Variants in GBP5 observed in about 807,000 individuals in gnomAD.
GBP5 encodes the protein guanylate binding protein 5.
In GBP5, 48 loss-of-function variants were observed where a neutral mutation model predicts 58.2. The observed-to-expected ratio is 0.83, with a 90% CI of 0.65 to 1.05. The LOEUF (loss-of-function observed/expected upper bound fraction) is 1.05. Ranked by LOEUF, GBP5 falls within the 50% of genes least tolerant of loss-of-function variation. The pLI is 0.00. For synonymous variants in GBP5, 248 were observed against 251.8 expected (o/e 0.98, Z 0.14); for missense variants, 714 against 686.8 (o/e 1.04, Z -0.44).
At chr1:89,270,017 G>A (rs1349402405) in intron 2 of GBP5, 1 of 152,156 alleles carries the variant, frequency 6.6e-6, no homozygotes, top group Non-Finnish European at 1.5e-5. Flanking sequence ...TTAGATCTAT[G>A]TCCAGTCAAA....
chr1:89,270,337 C>T (rs1443930504), intron 2 of GBP5: 2 of 152,132 alleles, frequency 1.3e-5, no homozygotes, highest in South Asian at 4.1e-4. Flanking sequence ...TCTACTTTGC[C>T]TTATCATAAA....
chr1:89,256,654 T>C lies in GBP5; in HGVS notation c.*4050A>G, dbSNP rs140592296. Among the ~76,000 whole-genome samples the C allele has an allele frequency of 7.9e-5, 12 of 152,340 alleles. No individual in the cohort carries two copies. Among genetic ancestry groups the C allele is most frequent in the African/African-American group, 2.6e-4 (11 of 41,580 alleles). ...GATTTCAAGAGTTTTGAGTCACATT[T>C]AGAAAGGCCCTCTCCTCTACAGGTT... On this transcript the variant is annotated 3_prime_UTR_variant, in exon 12 of 12. Coordinates refer to ENST00000370459, the MANE Select transcript of GBP5 (RefSeq NM_052942.5).
In GBP5 at chr1:89,263,881, G is replaced by A. The variant is rs186974399; in HGVS notation, c.1217C>T (p.Ser406Leu). Residue 406 changes from serine to leucine, a missense_variant, in exon 9 of 12, where the codon TCG becomes TTG. By Grantham distance (145) the Ser-to-Leu change is moderately radical (BLOSUM62 -2). Transcript: ENST00000370459. ...RNLEASSDYCSALLKDIFGPL... is the reference protein window; with the variant it reads ...RNLEASSDYCLALLKDIFGPL... ...ACCAAAAATATCCTTAAGTAAAGCC[G>A]AGCAATAATCCGAGGATGCTTCCAG... is the stretch of plus-strand genomic sequence containing the variant. 7.1e-5 allele frequency: 114 copies of A among 1,612,426 alleles called. 1 individual carries two copies. The highest frequency in any genetic ancestry group is 2.7e-5 in the African/African-American group (2 of 74,530).
At position 89,267,705 on chromosome 1, in the gene GBP5, C is replaced by T. The variant is rs547036833; in HGVS notation, c.319-179G>A. Reference sequence around the variant, plus strand: ...TTTATACTCATCCATATCTTATTAACTCACCAGTCCCTCTACATATTTGCA... The same window carrying T: ...TTTATACTCATCCATATCTTATTAATTCACCAGTCCCTCTACATATTTGCA... On this transcript the variant is annotated intron_variant, in intron 4 of 11. Coordinates refer to ENST00000370459, the MANE Select transcript of GBP5 (RefSeq NM_052942.5). Among the ~76,000 whole-genome samples the T allele has an allele frequency of 6.6e-5, 10 of 152,328 alleles. No individual in the cohort carries two copies. In the South Asian group the frequency reaches 2.1e-3, roughly 32 times the overall value.
rs1557500449 is a variant in GBP5 at position 89,262,419 on chromosome 1, A to C, written c.1466-18T>G. On this transcript the variant is annotated intron_variant, in intron 10 of 11. Coordinates refer to ENST00000370459, the MANE Select transcript of GBP5 (RefSeq NM_052942.5). ...TTGTGCCTCTGAGGAGAAAAAGATA[A>C]TCTTCTCTAGGATTAATGTGCCTCT... 1 of 1,605,822 alleles carries C rather than the reference A, an allele frequency of 6.2e-7. No individual in the cohort carries two copies. The highest frequency in any genetic ancestry group is 1.7e-5 in the Admixed American group (1 of 59,824).
Position 89,258,625 on chromosome 1 carries a change from T to G in GBP5, c.*2079A>C, listed in dbSNP as rs1226962741. Among the ~76,000 whole-genome samples, 9 of 152,118 alleles carry G rather than the reference T, an allele frequency of 5.9e-5. No individual in the cohort carries two copies. The highest frequency in any genetic ancestry group is 1.0e-4 in the Non-Finnish European group (7 of 68,012). On this transcript the variant is annotated 3_prime_UTR_variant, in exon 12 of 12. Coordinates refer to ENST00000370459, the MANE Select transcript of GBP5 (RefSeq NM_052942.5). ...CAGTAAAAAGAGCAGACACTAAAAT[T>G]TTTCGGCTTTTTTCTGTATATAAGT...
Position 89,258,797 on chromosome 1 carries a change from A to G in GBP5, c.*1907T>C, listed in dbSNP as rs933351865. On this transcript the variant is annotated 3_prime_UTR_variant, in exon 12 of 12. Coordinates refer to ENST00000370459, the MANE Select transcript of GBP5 (RefSeq NM_052942.5). Reference sequence around the variant, plus strand: ...ATTTAAACAAAAAAAATTTTACTGGAGATATACAAAACAAAGTAACAAAAA... The same window carrying G: ...ATTTAAACAAAAAAAATTTTACTGGGGATATACAAAACAAAGTAACAAAAA... 9.2e-5 allele frequency among the ~76,000 whole-genome samples: 14 copies of G among 152,174 alleles called. No homozygotes were observed. Among genetic ancestry groups the G allele is most frequent in the African/African-American group, 3.1e-4 (13 of 41,458 alleles).
chr1:89,267,342 G>T, intron 5 of GBP5, 75 bp downstream of exon 5: 6 of 1,144,140 alleles, frequency 5.2e-6, no homozygotes, highest in Non-Finnish European at 7.9e-6. Flanking sequence ...GATTCACAAG[G>T]TCTCACAGAC....
In GBP5 at chr1:89,258,360, A is replaced by G. The variant is rs1649860700; in HGVS notation, c.*2344T>C. On this transcript the variant is annotated 3_prime_UTR_variant, in exon 12 of 12. Transcript: ENST00000370459. Reference sequence around the variant, plus strand: ...TTTAAGATGGGTAATAAAGATATCAATATTTAATTTGGAGATAGAGCTATT... The same window carrying G: ...TTTAAGATGGGTAATAAAGATATCAGTATTTAATTTGGAGATAGAGCTATT... Among the ~76,000 whole-genome samples, 1 of 152,228 alleles carries G rather than the reference A, an allele frequency of 6.6e-6. No homozygotes were observed.
In GBP5 at chr1:89,265,672, G is replaced by A. The variant is rs551220231; in HGVS notation, c.868+674C>T. ...GAACCCAGGAGGCGGAGCTTGCAGTGAGCCAAGATCGTGCCACTGCACTCC... is the reference window on the plus strand; with the variant it reads ...GAACCCAGGAGGCGGAGCTTGCAGTAAGCCAAGATCGTGCCACTGCACTCC... On this transcript the variant is annotated intron_variant, in intron 7 of 11. Coordinates refer to ENST00000370459, the MANE Select transcript of GBP5 (RefSeq NM_052942.5). 2.2e-3 allele frequency among the ~76,000 whole-genome samples: 325 copies of A among 145,762 alleles called. 1 individual carries two copies. The highest frequency in any genetic ancestry group is 8.1e-3 in the African/African-American group (313 of 38,632).
chr1:89,262,832 G>C (rs768565499), intron 9 of GBP5, 47 bp from the exon 10 acceptor site: 1 of 1,107,858 alleles, frequency 9.0e-7, no homozygotes, highest in Non-Finnish European at 1.3e-6. Flanking sequence ...ATGGTGATTA[G>C]GAATGTTGTA....
Position 89,260,472 on chromosome 1 carries a change from C to T in GBP5, c.*232G>A, listed in dbSNP as rs1235219813. On this transcript the variant is annotated 3_prime_UTR_variant, in exon 12 of 12. Coordinates refer to ENST00000370459, the MANE Select transcript of GBP5 (RefSeq NM_052942.5). ...TAAATGAAGGCAGTGATACAATGTC[C>T]CTTATACAATTTATAATCTCTTAAA... The T allele has an allele frequency of 2.2e-5, 9 of 408,336 alleles. No individual in the cohort carries two copies. The highest frequency in any genetic ancestry group is 1.0e-4 in the South Asian group (3 of 29,484). 25.3% of individuals were successfully genotyped at this position (408,336 alleles called of 1,614,324 possible).
At chr1:89,267,255 C>A (rs1008950075) in intron 5 of GBP5, 102 bp from the exon 6 acceptor site, 3 of 1,068,936 alleles carry the variant, frequency 2.8e-6, no homozygotes, top group Non-Finnish European at 4.1e-6. Context: ...CGAGTCTTAA[C>A]CAAATCATCA....
chr1:89,268,836 C>T lies in GBP5; in HGVS notation c.211G>A (p.Val71Met), dbSNP rs1557505064. 7 of 1,613,698 alleles carry T rather than the reference C, an allele frequency of 4.3e-6. No individual in the cohort carries two copies. Among genetic ancestry groups the T allele is most frequent in the South Asian group, 2.2e-5 (2 of 91,034 alleles). Reference sequence around the variant, plus strand: ...CAAATTCCCTTGGTGTGAGACTGCACCGTAGATGCAACAGAGAAGCCTGTC... The same window carrying T: ...CAAATTCCCTTGGTGTGAGACTGCATCGTAGATGCAACAGAGAAGCCTGTC... ...KNKGFSVAST[V>M]QSHTKGIWIW... Residue 71 changes from valine (V) to methionine (M), a missense_variant, in exon 4 of 12, where the codon GTG becomes ATG. Transcript: ENST00000370459.
chr1:89,266,809 TA>T, intron 6 of GBP5, 147 bp downstream of exon 6: 1 of 613,034 alleles, frequency 1.6e-6, no homozygotes, highest in Non-Finnish European at 2.6e-6. Context: ...TTGTTCATTA[TA>T]AACAAAAATA....
intron 9 of GBP5, 30 bp from the exon 10 acceptor site, chr1:89,262,815 G>T: frequency 1.6e-6 from 2 of 1,236,414 alleles, no homozygotes; most frequent in African/African-American, 1.5e-5. Context: ...GCAGTTAGAT[G>T]CAGGAAATGG....
intron 9 of GBP5, chr1:89,263,291 G>C (rs777284411): frequency 4.3e-5 from 7 of 162,152 alleles, no homozygotes; most frequent in Non-Finnish European, 9.5e-5. Flanking sequence ...AAAAATGACA[G>C]AAAGAAGGAG....
chr1:89,269,320 G>C, intron 3 of GBP5, 46 bp downstream of exon 3: 1 of 1,578,114 alleles, frequency 6.3e-7, no homozygotes, highest in South Asian at 1.1e-5. Context: ...TGGTGACTGT[G>C]TGAATGGACA....
chr1:89,263,731 G>C lies in GBP5; in HGVS notation c.1362+5C>G. 6.3e-7 allele frequency: 1 copy of C among 1,596,664 alleles called. No individual in the cohort carries two copies. Among genetic ancestry groups the C allele is most frequent in the East Asian group, 2.2e-5 (1 of 44,780 alleles). ...ATTCTCCACAATAGGTAGAACTAGG[G>C]ATACCTGTATTCCTTTCCGAGGCTC... On this transcript the variant is annotated splice_donor_5th_base_variant and intron_variant, in intron 9 of 11. Transcript: ENST00000370459.
Sources: gnomAD v4.1 joint callset for allele counts (sites outside exome capture counted in the v4.1 genomes callset) on GRCh38, gnomAD v4.1.1 for gene constraint, MANE v1.5 for transcripts, NCBI Gene and HGNC (gene_info 2026-07-23, HGNC 2026-07-21) for gene names.